The following RGS5 variants were observed in gnomAD, a reference collection of about 807,000 sequenced individuals.
RGS5 encodes the protein regulator of G protein signaling 5.
RGS5 carries 20 observed loss-of-function variants against 18.9 expected under a neutral mutation model. The ratio of observed to expected loss-of-function variants is 1.06; its 90% CI spans 0.74 to 1.54. RGS5 has a LOEUF of 1.54. Among genes scored for constraint, RGS5 ranks in the 40% most tolerant of loss-of-function variants. The pLI, the probability that RGS5 is intolerant of heterozygous loss-of-function variation, is 0.00. For missense variants in RGS5, 201 were observed against 211.8 expected, an observed-to-expected ratio of 0.95 and a Z score of 0.32; for synonymous variants, 57 against 76.2, an observed-to-expected ratio of 0.75 and a Z score of 1.31.
chr1:163,318,505 G>A (rs963023499), intron 1 of RGS5, among the ~76,000 whole-genome samples: 7 of 152,164 alleles, frequency 4.6e-5, no homozygotes, highest in African/African-American at 1.4e-4. Context: ...TGAAGGGCTC[G>A]TGAGCCTCCC....
upstream of RGS5, among the ~76,000 whole-genome samples, chr1:163,219,453 T>G (rs1660289495): frequency 6.6e-6 from 1 of 152,154 alleles, no homozygotes; most frequent in African/African-American, 2.4e-5. Flanking sequence ...GCAGAGATTA[T>G]AAAAAATGTG....
intron 2 of RGS5, among the ~76,000 whole-genome samples, chr1:163,270,352 GAAAAAAAAAA>G (rs59181379): frequency 1.1e-5 from 1 of 94,700 alleles, no homozygotes; most frequent in Non-Finnish European, 2.0e-5. Flanking sequence ...TCTCTATTGA[GAAAAAAAAAA>G]AAAAAAAAAA....
At chr1:163,176,668 C>T (rs1306830134) in intron 1 of RGS5, among the ~76,000 whole-genome samples, 1 of 151,728 alleles carries the variant, frequency 6.6e-6, no homozygotes, top group Non-Finnish European at 1.5e-5. Flanking sequence ...CCCTGTGCAG[C>T]CTCTCCTTTT....
At chr1:163,309,125 G>A (rs534787452) in intron 1 of RGS5, among the ~76,000 whole-genome samples, 2 of 152,298 alleles carry the variant, frequency 1.3e-5, no homozygotes, top group South Asian at 4.1e-4. Context: ...TGAGGCAGGA[G>A]GATCACTTGA....
intron 1 of RGS5, chr1:163,172,431 C>G (rs922757691): frequency 4.0e-6 from 4 of 991,576 alleles, no homozygotes; most frequent in Admixed American, 2.7e-5. Flanking sequence ...AATCAGTACC[C>G]TACTACTATT....
At chr1:163,241,031 T>C (rs2101691225) in intron 2 of RGS5, among the ~76,000 whole-genome samples, 1 of 152,324 alleles carries the variant, frequency 6.6e-6, no homozygotes, top group East Asian at 1.9e-4. Flanking sequence ...CATGGCTTGC[T>C]TCCTTGCTTC....
intron 1 of RGS5, among the ~76,000 whole-genome samples, chr1:163,170,746 C>T (rs1210863862): frequency 6.6e-6 from 1 of 152,008 alleles, no homozygotes; most frequent in Non-Finnish European, 1.5e-5. Flanking sequence ...TCCCTAAGAC[C>T]CTCTCATTGA....
Position 163,186,599 on chromosome 1 carries a change from A to AG in RGS5, c.44+16192_44+16193insC, listed in dbSNP as rs1043543807. Among the ~76,000 whole-genome samples, 13 of 89,848 alleles carry AG rather than the reference A, an allele frequency of 1.4e-4. 1 individual carries two copies. Among genetic ancestry groups the AG allele is most frequent in the African/African-American group, 7.1e-4 (13 of 18,244 alleles). 58.9% of individuals were successfully genotyped at this position (89,848 alleles called of 152,430 possible). Reference sequence around the variant, plus strand: ...GTCTCAAAAAAAAAAAAAAAAAAAGAAAAAGAAAAGAAAAAAAGCAAAGAC... The same window carrying AG: ...GTCTCAAAAAAAAAAAAAAAAAAAGAGAAAAGAAAAGAAAAAAAGCAAAGAC... On this transcript the variant is annotated intron_variant, in intron 1 of 4. Coordinates refer to ENST00000313961, the MANE Select transcript of RGS5 (RefSeq NM_003617.4).
chr1:163,197,893 C>G (rs755548798), intron 1 of RGS5, among the ~76,000 whole-genome samples: 2 of 152,108 alleles, frequency 1.3e-5, no homozygotes, highest in Non-Finnish European at 2.9e-5. Flanking sequence ...AAGCTAATTG[C>G]CAGTCTTTAA....
At chr1:163,289,482 G>A (rs1276872269) in intron 2 of RGS5, among the ~76,000 whole-genome samples, 1 of 152,042 alleles carries the variant, frequency 6.6e-6, no homozygotes, top group Non-Finnish European at 1.5e-5. Flanking sequence ...ATCAAAGGTA[G>A]GATTCACCTT....
At chr1:163,265,350 A>G (rs1248851870) in intron 2 of RGS5, among the ~76,000 whole-genome samples, 1 of 151,980 alleles carries the variant, frequency 6.6e-6, no homozygotes, top group Non-Finnish European at 1.5e-5. Flanking sequence ...TTTCATTTCT[A>G]TATCAAAGGA....
chr1:163,220,739 T>A (rs935807275), upstream of RGS5, among the ~76,000 whole-genome samples: 6 of 152,104 alleles, frequency 3.9e-5, no homozygotes, highest in Non-Finnish European at 8.8e-5. Context: ...AATAAGAATC[T>A]TGAGATGGGG....
At chr1:163,262,804 T>G (rs986863282) in intron 2 of RGS5, among the ~76,000 whole-genome samples, 1 of 151,800 alleles carries the variant, frequency 6.6e-6, no homozygotes, top group African/African-American at 2.4e-5. Context: ...TTTCTCCACA[T>G]CCTCTCCAGC....
intron 2 of RGS5, chr1:163,304,705 T>C (rs1014202207): frequency 2.6e-4 from 39 of 152,222 alleles, no homozygotes; most frequent in African/African-American, 8.2e-4. Flanking sequence ...AGGCAATCAA[T>C]ATATATTTGT....
chr1:163,149,845 C>G (rs940456443), intron 4 of RGS5, among the ~76,000 whole-genome samples: 3 of 151,992 alleles, frequency 2.0e-5, no homozygotes, highest in Non-Finnish European at 4.4e-5. Flanking sequence ...ATATTTACAT[C>G]AAAATACAAA....
chr1:163,204,592 CT>C, upstream of RGS5, among the ~76,000 whole-genome samples: 1 of 152,150 alleles, frequency 6.6e-6, no homozygotes, highest in South Asian at 2.1e-4. Flanking sequence ...TCAAGCAATC[CT>C]CCTGCCTCAG....
At chr1:163,253,751 T>G (rs578141584) in intron 2 of RGS5, among the ~76,000 whole-genome samples, 2 of 151,920 alleles carry the variant, frequency 1.3e-5, no homozygotes, top group South Asian at 2.1e-4. Flanking sequence ...CTGCACCCAT[T>G]AACTCGTCAT....
intron 1 of RGS5, among the ~76,000 whole-genome samples, chr1:163,180,888 G>T (rs1170738755): frequency 3.3e-5 from 5 of 151,716 alleles, no homozygotes; most frequent in African/African-American, 1.2e-4. Flanking sequence ...TAGAGACGGG[G>T]TTACACCGCG....
intron 2 of RGS5, among the ~76,000 whole-genome samples, chr1:163,256,473 AG>A (rs1648275001): frequency 6.6e-6 from 1 of 152,198 alleles, no homozygotes; most frequent in South Asian, 2.1e-4. Context: ...AGAAGGAGGA[AG>A]AAGCTGATGA....
Sources: allele counts gnomAD v4.1 joint callset (sites outside exome capture counted in the v4.1 genomes callset), GRCh38; gene constraint gnomAD v4.1.1; transcripts MANE v1.5; gene names NCBI Gene and HGNC (gene_info 2026-07-23, HGNC 2026-07-21).